Variants in ASTN2 observed in about 807,000 individuals in gnomAD.
ASTN2 encodes the protein astrotactin 2, also known as astrotactin-2.
Under a neutral mutation model 139.8 loss-of-function variants are expected in ASTN2, and 54 were observed. The observed-to-expected ratio is 0.39, with a 90% confidence interval of 0.31 to 0.48. The LOEUF is 0.48. ASTN2 is among the 20% of genes least tolerant of loss of function. ASTN2 has a pLI of 0.95. For synonymous variants in ASTN2, 756 were observed against 719.5 expected (o/e 1.05, Z -0.81); for missense variants, 1,565 against 1,725.1 (o/e 0.91, Z 1.64).
rs574653261 is a variant in ASTN2, at chr9:116,657,125, C to CAAGG, written c.2807-5336_2807-5333dup. 5.3e-5 allele frequency among the ~76,000 whole-genome samples: 8 copies of CAAGG among 152,240 alleles called. No individual in the cohort carries two copies. In the South Asian group the frequency reaches 1.7e-3, roughly 32 times the overall value. On this transcript the variant is annotated intron_variant, in intron 16 of 22. Coordinates refer to ENST00000313400, the MANE Select transcript of ASTN2 (RefSeq NM_001365068.1). ...AAAGCAATTGCTCTGAGGCCTGACT[C>CAAGG]AAGGACCCACACAAATATCTTTAAG...
At position 116,948,788 on chromosome 9, in the gene ASTN2, T is replaced by TTTTTTTTTTGTTTTTTTG. The variant is rs1835473186; in HGVS notation, c.1889+26419_1889+26420insCAAAAAAACAAAAAAAAA. ...GAGAGGAGAGAAATAATTTGGTGTTTTTTTTTTTTTTTTTTTTTTTTTGAG... is the reference window on the plus strand; with the variant it reads ...GAGAGGAGAGAAATAATTTGGTGTTTTTTTTTTTTGTTTTTTTGTTTTTTTTTTTTTTTTTTTTTTGAG... On this transcript the variant is annotated intron_variant, in intron 10 of 22. Transcript: ENST00000313400. 8.2e-5 allele frequency among the ~76,000 whole-genome samples: 3 copies of TTTTTTTTTTGTTTTTTTG among 36,586 alleles called. 1 individual carries two copies. Among genetic ancestry groups the TTTTTTTTTTGTTTTTTTG allele is most frequent in the African/African-American group, 1.2e-4 (2 of 16,256 alleles). The allele number at this position is 36,586 out of a possible 152,430, so 24.0% of individuals were successfully genotyped here.
intron 1 of ASTN2, among the ~76,000 whole-genome samples, chr9:117,384,289 T>G (rs1384108334): frequency 1.3e-5 from 2 of 152,180 alleles, no homozygotes; most frequent in Admixed American, 1.3e-4. Context: ...GTGAGGTGGT[T>G]GATTAGGAGA....
intron 6 of ASTN2, among the ~76,000 whole-genome samples, chr9:117,026,495 G>A (rs1480788104): frequency 6.6e-6 from 1 of 152,148 alleles, no homozygotes; most frequent in Non-Finnish European, 1.5e-5. Context: ...CCAGGTGGCA[G>A]ATGCCACATC....
chr9:117,386,259 A>G (rs1328133684), intron 1 of ASTN2, among the ~76,000 whole-genome samples: 3 of 152,204 alleles, frequency 2.0e-5, no homozygotes, highest in African/African-American at 7.2e-5. Flanking sequence ...AGAAGACTAT[A>G]TCTTTATGAG....
intron 1 of ASTN2, among the ~76,000 whole-genome samples, chr9:117,356,554 G>A (rs1419363331): frequency 1.3e-5 from 2 of 152,198 alleles, no homozygotes; most frequent in Non-Finnish European, 2.9e-5. Flanking sequence ...AAGTATGCCA[G>A]CACTGGCTCT....
chr9:117,172,802 A>G (rs1335629895), intron 3 of ASTN2, among the ~76,000 whole-genome samples: 1 of 152,162 alleles, frequency 6.6e-6, no homozygotes, highest in Non-Finnish European at 1.5e-5. Flanking sequence ...GCTGTTTTAG[A>G]TGCTTAAAAG....
At chr9:117,307,567 A>C (rs1351078800) in intron 1 of ASTN2, among the ~76,000 whole-genome samples, 1 of 152,164 alleles carries the variant, frequency 6.6e-6, no homozygotes, top group African/African-American at 2.4e-5. Flanking sequence ...TAATGTGCTC[A>C]CTAGGTTCGC....
rs191535559 is a variant in ASTN2, at chr9:116,838,252, G to A, written c.2041-17469C>T. On this transcript the variant is annotated intron_variant, in intron 11 of 22. Transcript: ENST00000313400. ...AGCCTCCTGAGTAGCTGGGATTACA[G>A]GCATGCACCAACACGCCTGGCTAAT... is the stretch of plus-strand genomic sequence containing the variant. Among the ~76,000 whole-genome samples, 382 of 152,016 alleles carry A rather than the reference G, an allele frequency of 2.5e-3. 2 individuals are homozygous for A. Among genetic ancestry groups the A allele is most frequent in the African/African-American group, 8.8e-3 (365 of 41,456 alleles).
chr9:116,749,003 C>T (rs900535681), intron 13 of ASTN2, among the ~76,000 whole-genome samples: 1 of 152,140 alleles, frequency 6.6e-6, no homozygotes, highest in Admixed American at 6.5e-5. Flanking sequence ...TCTTTGCAGT[C>T]ACACACCTGG....
intron 7 of ASTN2, among the ~76,000 whole-genome samples, chr9:116,995,099 C>T (rs1015061455): frequency 2.6e-5 from 4 of 152,180 alleles, no homozygotes; most frequent in Admixed American, 2.0e-4. Context: ...AGAGTGCAAG[C>T]TCTTGACCAC....
At chr9:117,284,814 T>C (rs2130772858) in intron 2 of ASTN2, among the ~76,000 whole-genome samples, 1 of 152,300 alleles carries the variant, frequency 6.6e-6, no homozygotes, top group South Asian at 2.1e-4. Flanking sequence ...GGTAATTCCA[T>C]CAGAGAAAGT....
intron 19 of ASTN2, among the ~76,000 whole-genome samples, chr9:116,507,880 T>TTTTA (rs1237097224): frequency 2.6e-5 from 4 of 152,102 alleles, no homozygotes; most frequent in Non-Finnish European, 4.4e-5. Context: ...CTTCTTCTTC[T>TTTTA]TTTATTTATT....
rs558305227 is a variant in ASTN2 at position 116,620,997 on chromosome 9, G to T, written c.3073-554C>A. 6.6e-5 allele frequency among the ~76,000 whole-genome samples: 10 copies of T among 152,238 alleles called. No homozygotes were observed. In the South Asian group the frequency reaches 1.9e-3, roughly 28 times the overall value. On this transcript the variant is annotated intron_variant, in intron 17 of 22. Coordinates refer to ENST00000313400, the MANE Select transcript of ASTN2 (RefSeq NM_001365068.1). ...CTTCAGGATAAAATCTAAATGCCTTGTTCTCACCCCTGGCCACCTTTTCAT... is the reference window on the plus strand; with the variant it reads ...CTTCAGGATAAAATCTAAATGCCTTTTTCTCACCCCTGGCCACCTTTTCAT...
chr9:116,790,992 AAAGAAAGAAAG>A (rs1830529339), intron 13 of ASTN2, among the ~76,000 whole-genome samples: 1 of 116,266 alleles, frequency 8.6e-6, no homozygotes, highest in African/African-American at 3.2e-5. Context: ...AGAAAGAAAG[AAAGAAAGAAAG>A]AAAGAAAGAA....
chr9:116,886,638 A>C (rs1365065307), intron 10 of ASTN2, among the ~76,000 whole-genome samples: 1 of 152,090 alleles, frequency 6.6e-6, no homozygotes, highest in African/African-American at 2.4e-5. Flanking sequence ...AAGTGCTGAG[A>C]TTACAGGTGT....
intron 19 of ASTN2, among the ~76,000 whole-genome samples, chr9:116,593,772 A>C (rs982579811): frequency 5.9e-5 from 9 of 152,044 alleles, no homozygotes; most frequent in African/African-American, 2.2e-4. Flanking sequence ...GACACCTTTC[A>C]TTTCCATCTT....
At chr9:117,243,727 C>A (rs144891734) in intron 2 of ASTN2, among the ~76,000 whole-genome samples, 6 of 152,148 alleles carry the variant, frequency 3.9e-5, no homozygotes, top group Non-Finnish European at 7.3e-5. Flanking sequence ...TTATTTCCAA[C>A]TAAAATTCTT....
chr9:117,272,211 C>A (rs564244757), intron 2 of ASTN2, among the ~76,000 whole-genome samples: 1 of 152,360 alleles, frequency 6.6e-6, no homozygotes, highest in South Asian at 2.1e-4. Flanking sequence ...TGGAAGCTGC[C>A]AAGCCTTGGG....
chr9:116,634,742 A>G (rs1447800308), intron 17 of ASTN2, among the ~76,000 whole-genome samples: 2 of 152,212 alleles, frequency 1.3e-5, no homozygotes, highest in Non-Finnish European at 2.9e-5. Flanking sequence ...AGAAAACAAT[A>G]TGGCACTGGA....
Sources: gnomAD v4.1 joint callset for allele counts (sites outside exome capture counted in the v4.1 genomes callset) on GRCh38, gnomAD v4.1.1 for gene constraint, MANE v1.5 for transcripts, NCBI Gene and HGNC (gene_info 2026-07-23, HGNC 2026-07-21) for gene names.